The following DTNA variants were observed in gnomAD, a reference collection of about 807,000 sequenced individuals.
The protein encoded by DTNA is dystrophin-related protein 3.
Under a neutral mutation model 100.7 loss-of-function variants are expected in DTNA, and 43 were observed. That is an observed-to-expected ratio of 0.43 (90% CI 0.33 to 0.55). The LOEUF (loss-of-function observed/expected upper bound fraction) is 0.55, where lower values mean the gene tolerates loss of function less well. Ranked by LOEUF, DTNA falls within the 20% of genes least tolerant of loss-of-function variation. DTNA has a pLI of 0.04. For synonymous variants in DTNA, 349 were observed against 347.9 expected (o/e 1.00, Z -0.04); for missense variants, 798 against 953.9 (o/e 0.84, Z 2.15).
chr18:34,867,923 C>T (rs1423056289), intron 17 of DTNA: 1 of 985,416 alleles, frequency 1.0e-6, no homozygotes, highest in Non-Finnish European at 1.2e-6. Flanking sequence ...ACCCAGATGT[C>T]AGCAATACAT....
intron 17 of DTNA, chr18:34,867,533 C>G (rs2096718905): frequency 8.7e-7 from 1 of 1,150,966 alleles, no homozygotes; most frequent in African/African-American, 1.6e-5. Context: ...TGATACTTCT[C>G]TGCAAATGGC....
At chr18:34,550,993 T>A (rs2045350058) in intron 1 of DTNA, among the ~76,000 whole-genome samples, 1 of 152,204 alleles carries the variant, frequency 6.6e-6, no homozygotes, top group South Asian at 2.1e-4. Context: ...GCACTGCTTT[T>A]AGTCTCATAT....
intron 1 of DTNA, among the ~76,000 whole-genome samples, chr18:34,527,851 T>A (rs1305740596): frequency 2.0e-5 from 3 of 152,092 alleles, no homozygotes; most frequent in African/African-American, 7.2e-5. Context: ...TGAACCCGTA[T>A]CAAGCTCAAT....
chr18:34,673,209 C>T lies in DTNA; in HGVS notation c.-1-82767C>T, dbSNP rs1186959296. On this transcript the variant is annotated intron_variant, in intron 1 of 19. Coordinates refer to the DTNA transcript ENST00000283365. The stretch of plus-strand genomic sequence containing the variant: ...TCAGGTGATCTCCCACCTCAGCCTC[C>T]CAAGCAGCAGGGACCACAGGTACAC... Among the ~76,000 whole-genome samples the T allele has an allele frequency of 2.0e-5, 3 of 152,096 alleles. No individual in the cohort carries two copies. In the East Asian group the frequency reaches 5.8e-4, roughly 29 times the overall value.
At chr18:34,499,731 G>A (rs559453820) in intron 1 of DTNA, among the ~76,000 whole-genome samples, 12 of 152,172 alleles carry the variant, frequency 7.9e-5, no homozygotes, top group African/African-American at 2.9e-4. Flanking sequence ...GACTAATGAT[G>A]GTGAACATCT....
intron 1 of DTNA, among the ~76,000 whole-genome samples, chr18:34,656,310 G>A (rs532151617): frequency 1.4e-4 from 22 of 152,266 alleles, no homozygotes; most frequent in African/African-American, 4.6e-4. Context: ...AAAGTGATTC[G>A]TCTTGGTTAA....
intron 3 of DTNA, among the ~76,000 whole-genome samples, chr18:34,789,861 G>T (rs1449142307): frequency 6.6e-6 from 1 of 151,920 alleles, no homozygotes; most frequent in African/African-American, 2.4e-5. Context: ...AACAACTATT[G>T]TCTCCTACAT....
intron 9 of DTNA, among the ~76,000 whole-genome samples, chr18:34,824,951 AAATTAAATC>A (rs1568659908): frequency 1.4e-5 from 2 of 138,156 alleles, no homozygotes; most frequent in Non-Finnish European, 3.1e-5. Context: ...AAAAAAAAAA[AAATTAAATC>A]AATAGGATTT....
intron 1 of DTNA, among the ~76,000 whole-genome samples, chr18:34,517,503 A>G (rs1293216538): frequency 1.5e-5 from 2 of 131,042 alleles, no homozygotes; most frequent in Non-Finnish European, 3.3e-5. Context: ...AGGTACATGC[A>G]ATGTTATCTC....
intron 1 of DTNA, chr18:34,662,748 G>T (rs2075367055): frequency 6.6e-6 from 1 of 152,200 alleles, no homozygotes; most frequent in Non-Finnish European, 1.5e-5. Context: ...GTTGACAGTT[G>T]TGTCAGGCAC....
chr18:34,504,728 A>G (rs11663614), intron 1 of DTNA, among the ~76,000 whole-genome samples: 32,321 of 152,080 alleles, frequency 0.21, 3,762 homozygotes, highest in Non-Finnish European at 0.27. Flanking sequence ...TTCTTTGGTA[A>G]AGTAGCATTT....
At chr18:34,717,866 T>C (rs1468531153) in intron 1 of DTNA, among the ~76,000 whole-genome samples, 1 of 152,036 alleles carries the variant, frequency 6.6e-6, no homozygotes. Context: ...TGTCTGGAAA[T>C]GTAATAATGG....
At chr18:34,677,891 G>A (rs777523767) in intron 1 of DTNA, among the ~76,000 whole-genome samples, 1 of 152,134 alleles carries the variant, frequency 6.6e-6, no homozygotes, top group Non-Finnish European at 1.5e-5. Flanking sequence ...ATTGTATTAG[G>A]TCATTCTCAC....
At chr18:34,667,262 C>T (rs1055879442) in intron 1 of DTNA, among the ~76,000 whole-genome samples, 3 of 152,134 alleles carry the variant, frequency 2.0e-5, no homozygotes, top group Non-Finnish European at 4.4e-5. Flanking sequence ...GTGATTTTTG[C>T]ACAATGATTT....
chr18:34,837,993 T>G, intron 11 of DTNA, 101 bp from the exon 12 acceptor site: 1 of 1,034,392 alleles, frequency 9.7e-7, no homozygotes, highest in South Asian at 1.3e-5. Flanking sequence ...TCTGTCTAAA[T>G]GAAACTTGGA....
intron 1 of DTNA, among the ~76,000 whole-genome samples, chr18:34,638,893 G>A (rs982098023): frequency 6.6e-6 from 1 of 152,186 alleles, no homozygotes; most frequent in Non-Finnish European, 1.5e-5. Context: ...CCAGGCTGGA[G>A]TGTAATGGCA....
intron 1 of DTNA, among the ~76,000 whole-genome samples, chr18:34,739,696 C>T (rs2090282286): frequency 6.6e-6 from 1 of 152,086 alleles, no homozygotes; most frequent in African/African-American, 2.4e-5. Flanking sequence ...AATCAGAAAA[C>T]AGAAAAACAT....
At chr18:34,509,621 C>G (rs558942026) in intron 1 of DTNA, among the ~76,000 whole-genome samples, 1 of 152,078 alleles carries the variant, frequency 6.6e-6, no homozygotes, top group South Asian at 2.1e-4. Context: ...AAAATTTGAT[C>G]AAAATATGAA....
At chr18:34,777,080 T>C (rs2094096930) in intron 3 of DTNA, among the ~76,000 whole-genome samples, 1 of 152,244 alleles carries the variant, frequency 6.6e-6, no homozygotes, top group African/African-American at 2.4e-5. Flanking sequence ...ATCCGCCTTG[T>C]CCTATTGTTT....
Sources: gnomAD v4.1 joint callset for allele counts (sites outside exome capture counted in the v4.1 genomes callset) on GRCh38, gnomAD v4.1.1 for gene constraint, MANE v1.5 for transcripts, NCBI Gene and HGNC (gene_info 2026-07-23, HGNC 2026-07-21) for gene names.